BTBD9: variants seen among roughly 807,000 people sequenced by gnomAD.
BTBD9 encodes BTB/POZ domain-containing protein 9.
A neutral mutation model predicts 64.3 loss-of-function variants in BTBD9; 49 were observed. That is an observed-to-expected ratio of 0.76 (90% CI 0.61 to 0.97). The LOEUF is 0.97. Ranked by LOEUF, BTBD9 falls within the 50% of genes least tolerant of loss-of-function variation. BTBD9 has a pLI of 0.00. For synonymous variants in BTBD9, 260 were observed against 274.7 expected (o/e 0.95, Z 0.53); for missense variants, 598 against 762.1 (o/e 0.78, Z 2.53).
chr6:38,261,178 A>G (rs1764777284), intron 8 of BTBD9, among the ~76,000 whole-genome samples: 1 of 151,822 alleles, frequency 6.6e-6, no homozygotes, highest in African/African-American at 2.4e-5. Context: ...CCTCCACCTC[A>G]GCTTCTCAAA....
At position 38,417,801 on chromosome 6, in the gene BTBD9, A is replaced by AGAGAGAGAGAGAGAGAGAGAGAGAG. The variant is rs56268245; in HGVS notation, c.1155-72709_1155-72708insCTCTCTCTCTCTCTCTCTCTCTCTC. On this transcript the variant is annotated intron_variant, in intron 6 of 10. Transcript: ENST00000481247. The stretch of plus-strand genomic sequence containing the variant: ...GAGAGAGAGAGAGAGAGAGAGAGAG[A>AGAGAGAGAGAGAGAGAGAGAGAGAG]AAAAAAATATTGACACATAACTGGT... Among the ~76,000 whole-genome samples, 507 of 136,930 alleles carry AGAGAGAGAGAGAGAGAGAGAGAGAG rather than the reference A, an allele frequency of 3.7e-3. 9 individuals carry two copies. Among genetic ancestry groups the AGAGAGAGAGAGAGAGAGAGAGAGAG allele is most frequent in the African/African-American group, 0.012 (377 of 32,776 alleles). 89.8% of individuals were successfully genotyped at this position (136,930 alleles called of 152,430 possible).
At chr6:38,361,387 AG>A (rs1764951423) in intron 6 of BTBD9, among the ~76,000 whole-genome samples, 1 of 151,936 alleles carries the variant, frequency 6.6e-6, no homozygotes. Context: ...TTACAAAAAC[AG>A]GAATTTCAAA....
chr6:38,498,320 T>C (rs1359066808), intron 6 of BTBD9, among the ~76,000 whole-genome samples: 4 of 152,208 alleles, frequency 2.6e-5, no homozygotes, highest in African/African-American at 9.7e-5. Flanking sequence ...TCCATGTTCA[T>C]GGGCAAGAGA....
At chr6:38,369,980 A>T (rs1224293640) in intron 6 of BTBD9, among the ~76,000 whole-genome samples, 1 of 152,228 alleles carries the variant, frequency 6.6e-6, no homozygotes, top group East Asian at 1.9e-4. Flanking sequence ...CTGGAAGGAC[A>T]ACAAAAATAA....
intron 6 of BTBD9, among the ~76,000 whole-genome samples, chr6:38,363,144 A>G (rs1186409168): frequency 2.0e-5 from 3 of 152,144 alleles, no homozygotes; most frequent in Non-Finnish European, 4.4e-5. Context: ...GCTGGAGTAC[A>G]GTGGTGTGAT....
chr6:38,310,550 G>A (rs554306215), intron 7 of BTBD9, among the ~76,000 whole-genome samples: 6 of 152,162 alleles, frequency 3.9e-5, no homozygotes, highest in African/African-American at 1.4e-4. Context: ...GATGAAAAAA[G>A]TACAATAAAA....
intron 6 of BTBD9, among the ~76,000 whole-genome samples, chr6:38,487,624 A>AGAGAGAG (rs1771516499): frequency 7.4e-6 from 1 of 134,590 alleles, no homozygotes; most frequent in Non-Finnish European, 1.6e-5. Context: ...AGAGAGAGAG[A>AGAGAGAG]AGGAAGGAAA....
At chr6:38,256,540 A>G in intron 8 of BTBD9, 24 bp from the exon 9 acceptor site, 1 of 1,512,870 alleles carries the variant, frequency 6.6e-7, no homozygotes, top group East Asian at 2.3e-5. Flanking sequence ...AAAACATAAG[A>G]TTGCTGTAAA....
chr6:38,499,553 T>C (rs774904810), intron 6 of BTBD9, among the ~76,000 whole-genome samples: 1 of 152,228 alleles, frequency 6.6e-6, no homozygotes, highest in Non-Finnish European at 1.5e-5. Flanking sequence ...ATGCAATATA[T>C]ATTCTCTATC....
Position 38,304,563 on chromosome 6 carries a change from A to C in BTBD9, c.1265-16102T>G, listed in dbSNP as rs549339240. 2.9e-3 allele frequency among the ~76,000 whole-genome samples: 441 copies of C among 151,988 alleles called. 2 individuals are homozygous for C. Among genetic ancestry groups the C allele is most frequent in the African/African-American group, 1.0e-2 (413 of 41,464 alleles). ...TCCGTCTCAAAAAACAAACAAAAAA[A>C]AAAAAAAAACCAACATCAAAAGAAT... On this transcript the variant is annotated intron_variant, in intron 7 of 10. Transcript: ENST00000481247.
intron 9 of BTBD9, among the ~76,000 whole-genome samples, chr6:38,231,711 C>T (rs1763610919): frequency 6.6e-6 from 1 of 152,164 alleles, no homozygotes; most frequent in South Asian, 2.1e-4. Context: ...GCCATCAGGC[C>T]CACTCACCTG....
intron 9 of BTBD9, among the ~76,000 whole-genome samples, chr6:38,204,886 A>G (rs1762581672): frequency 6.6e-6 from 1 of 152,206 alleles, no homozygotes; most frequent in Non-Finnish European, 1.5e-5. Flanking sequence ...AAGCATTATT[A>G]CATCTTTGAA....
intron 10 of BTBD9, among the ~76,000 whole-genome samples, chr6:38,181,689 A>T (rs575000431): frequency 6.6e-6 from 1 of 152,108 alleles, no homozygotes; most frequent in Non-Finnish European, 1.5e-5. Flanking sequence ...AGCCCAACAC[A>T]TTGTTTTCAG....
At chr6:38,475,630 A>T (rs1472158103) in intron 6 of BTBD9, among the ~76,000 whole-genome samples, 3 of 152,190 alleles carry the variant, frequency 2.0e-5, no homozygotes, top group Non-Finnish European at 2.9e-5. Context: ...CATCCTATAC[A>T]GGAATGTAAT....
At chr6:38,228,506 G>C (rs1020929271) in intron 9 of BTBD9, among the ~76,000 whole-genome samples, 1 of 152,060 alleles carries the variant, frequency 6.6e-6, no homozygotes, top group African/African-American at 2.4e-5. Context: ...TGCATGTAGA[G>C]GGGCAGAAGG....
intron 9 of BTBD9, among the ~76,000 whole-genome samples, chr6:38,198,628 A>G (rs1438148008): frequency 6.6e-6 from 1 of 152,222 alleles, no homozygotes; most frequent in African/African-American, 2.4e-5. Flanking sequence ...GAGAAAGCAC[A>G]TATCAGAACT....
intron 1 of BTBD9, among the ~76,000 whole-genome samples, chr6:38,638,067 CATT>C (rs1470090393): frequency 1.3e-5 from 2 of 152,176 alleles, no homozygotes; most frequent in Admixed American, 6.5e-5. Context: ...ACCAAATTCA[CATT>C]ATTATTTTCT....
intron 7 of BTBD9, among the ~76,000 whole-genome samples, chr6:38,329,470 G>A (rs951696839): frequency 5.9e-5 from 9 of 151,706 alleles, no homozygotes; most frequent in African/African-American, 1.7e-4. Context: ...TTACAGGGGC[G>A]TGCCACCACA....
intron 1 of BTBD9, among the ~76,000 whole-genome samples, chr6:38,638,537 G>A (rs1322778960): frequency 6.6e-6 from 1 of 152,220 alleles, no homozygotes; most frequent in Non-Finnish European, 1.5e-5. Flanking sequence ...GGAAAACACA[G>A]ATGACTCCTG....
Sources: gnomAD v4.1 joint callset for allele counts (sites outside exome capture counted in the v4.1 genomes callset) on GRCh38, gnomAD v4.1.1 for gene constraint, MANE v1.5 for transcripts, NCBI Gene and HGNC (gene_info 2026-07-23, HGNC 2026-07-21) for gene names.